IL17D: variants seen among roughly 807,000 people sequenced by gnomAD.
The protein encoded by IL17D is interleukin-17D.
A neutral mutation model predicts 5.7 loss-of-function variants in IL17D; 10 were observed. The ratio of observed to expected loss-of-function variants is 1.75; its 90% CI spans 1.08 to 2.97. The LOEUF is 2.97. IL17D is among the 30% of genes most tolerant of loss of function. IL17D has a pLI of 0.00. For synonymous variants in IL17D, 172 were observed against 141.7 expected, an observed-to-expected ratio of 1.21 and a Z score of -1.52; for missense variants, 354 against 292.7, an observed-to-expected ratio of 1.21 and a Z score of -1.53.
chr13:20,721,180 CCT>C (rs1213641260), intron 1 of IL17D, among the ~76,000 whole-genome samples: 3 of 152,240 alleles, frequency 2.0e-5, no homozygotes, highest in South Asian at 2.1e-4. Context: ...GCCCCCAGCC[CCT>C]CTTTCTCTAG....
At chr13:20,711,282 A>G (rs2058634925) in intron 1 of IL17D, among the ~76,000 whole-genome samples, 1 of 151,372 alleles carries the variant, frequency 6.6e-6, no homozygotes, top group South Asian at 2.1e-4. Flanking sequence ...GAAAAAAAAA[A>G]GTACAAGTTG....
intron 1 of IL17D, among the ~76,000 whole-genome samples, chr13:20,705,361 G>T (rs1409435089): frequency 7.9e-5 from 12 of 152,246 alleles, no homozygotes; most frequent in Admixed American, 6.5e-4. Context: ...TGTGGGGTGG[G>T]CATCGATGTA....
At chr13:20,721,129 G>T (rs186203803) in intron 1 of IL17D, among the ~76,000 whole-genome samples, 2 of 152,210 alleles carry the variant, frequency 1.3e-5, no homozygotes, top group East Asian at 3.9e-4. Flanking sequence ...TCCCGTGGGA[G>T]CCCTGCAGGC....
intron 1 of IL17D, among the ~76,000 whole-genome samples, chr13:20,710,451 TAAAAAA>T (rs60458842): frequency 2.4e-5 from 2 of 83,444 alleles, no homozygotes; most frequent in Admixed American, 1.4e-4. Context: ...CCATCTCTAC[TAAAAAA>T]AAAAAAAAAA....
chr13:20,721,553 C>A lies in IL17D; in HGVS notation c.291-83C>A, dbSNP rs571135756. 15 of 1,232,688 alleles carry A rather than the reference C, an allele frequency of 1.2e-5. No individual in the cohort carries two copies. The East Asian group carries it at 3.8e-4, about 31-fold the overall frequency. The allele number at this position is 1,232,688 out of a possible 1,614,324, so 76.4% of individuals were successfully genotyped here. ...AGGACAGGACAGTCCCCGAGGCCCT[C>A]CCCGGTGACTCTAACCAGGGATTTC... On this transcript the variant is annotated intron_variant, in intron 1 of 1. Transcript: ENST00000682841.
At chr13:20,717,905 C>T (rs573640555) in intron 1 of IL17D, among the ~76,000 whole-genome samples, 8 of 152,260 alleles carry the variant, frequency 5.3e-5, no homozygotes, top group African/African-American at 1.9e-4. Flanking sequence ...TGTCAGTTAT[C>T]ACCTACAAAA....
intron 1 of IL17D, among the ~76,000 whole-genome samples, chr13:20,710,330 C>T (rs1336717853): frequency 3.3e-5 from 5 of 151,296 alleles, no homozygotes; most frequent in African/African-American, 1.2e-4. Flanking sequence ...ACCCCAAAGA[C>T]AGGCTGGGCG....
At position 20,721,905 on chromosome 13, in the gene IL17D, A is replaced by AGGGCGCCAAGCTCCTGCT. The variant is rs775008404; in HGVS notation, c.565_582dup (p.Ala189_Gly194dup). The AGGGCGCCAAGCTCCTGCT allele has an allele frequency of 1.6e-5, 26 of 1,606,660 alleles. No individual in the cohort carries two copies. The South Asian group carries it at 2.6e-4, about 16-fold the overall frequency. ...AGCATCAACTCCAGCATCGACAAAC[A>AGGGCGCCAAGCTCCTGCT]GGGCGCCAAGCTCCTGCTGGGCCCC... On this transcript the variant is annotated inframe_insertion, in exon 2 of 2. Coordinates refer to ENST00000682841, the MANE Select transcript of IL17D (RefSeq NM_001385224.1).
At chr13:20,710,881 T>C (rs1296145674) in intron 1 of IL17D, among the ~76,000 whole-genome samples, 1 of 152,140 alleles carries the variant, frequency 6.6e-6, no homozygotes, top group African/African-American at 2.4e-5. Context: ...TGGATAGCTG[T>C]AGTCGGGAGG....
chr13:20,702,406 G>C, upstream of IL17D: 1 of 152,194 alleles, frequency 6.6e-6, no homozygotes, highest in East Asian at 1.9e-4. Context: ...TACCAAAGCT[G>C]CAAACCATTT....
At chr13:20,709,160 T>G (rs1334963657) in intron 1 of IL17D, among the ~76,000 whole-genome samples, 2 of 137,748 alleles carry the variant, frequency 1.5e-5, no homozygotes, top group African/African-American at 5.3e-5. Flanking sequence ...TTTTTTTTCC[T>G]GGCACCCAGC....
chr13:20,719,616 G>A (rs574712130), intron 1 of IL17D, among the ~76,000 whole-genome samples: 2 of 152,340 alleles, frequency 1.3e-5, no homozygotes, highest in South Asian at 2.1e-4. Context: ...AAATTAGGAC[G>A]AGTTCCCATA....
Position 20,722,193 on chromosome 13 carries a change from C to T in IL17D, c.*239C>T. 1 of 514,150 alleles carries T rather than the reference C, an allele frequency of 1.9e-6. No individual in the cohort carries two copies. Among genetic ancestry groups the T allele is most frequent in the Non-Finnish European group, 3.4e-6 (1 of 293,424 alleles). The allele number at this position is 514,150 out of a possible 1,614,324, so 31.8% of individuals were successfully genotyped here. Reference sequence around the variant, plus strand: ...TGGAAGCTGATGGGAAACGACCCGGCACGGGCATCCTGTGTGCGGCCCGCA... The same window carrying T: ...TGGAAGCTGATGGGAAACGACCCGGTACGGGCATCCTGTGTGCGGCCCGCA... On this transcript the variant is annotated 3_prime_UTR_variant, in exon 2 of 2. Transcript: ENST00000682841.
intron 1 of IL17D, among the ~76,000 whole-genome samples, chr13:20,719,549 TTC>T (rs1464906291): frequency 1.6e-4 from 25 of 152,350 alleles, no homozygotes; most frequent in African/African-American, 5.8e-4. Flanking sequence ...ATAAATGATT[TTC>T]TCTATTTTCT....
chr13:20,717,913 A>G (rs1802201377), intron 1 of IL17D, among the ~76,000 whole-genome samples: 3 of 152,118 alleles, frequency 2.0e-5, no homozygotes, highest in Non-Finnish European at 2.9e-5. Flanking sequence ...ATCACCTACA[A>G]AACTACCGGG....
chr13:20,709,487 A>G (rs187717724), intron 1 of IL17D, among the ~76,000 whole-genome samples: 3 of 152,292 alleles, frequency 2.0e-5, no homozygotes, highest in African/African-American at 7.2e-5. Flanking sequence ...TCAATCACTC[A>G]CCAATACAAA....
chr13:20,710,366 C>T (rs1683843103), intron 1 of IL17D, among the ~76,000 whole-genome samples: 1 of 145,860 alleles, frequency 6.9e-6, no homozygotes, highest in Non-Finnish European at 1.5e-5. Context: ...GTAATCCCAG[C>T]GCTTTGGGAG....
chr13:20,718,912 TCA>T lies in IL17D; in HGVS notation c.291-2718_291-2717del, dbSNP rs530284311. Among the ~76,000 whole-genome samples the T allele has an allele frequency of 2.3e-3, 234 of 102,538 alleles. 1 individual carries two copies. Among genetic ancestry groups the T allele is most frequent in the South Asian group, 5.8e-3 (17 of 2,952 alleles). 67.3% of individuals were successfully genotyped at this position (102,538 alleles called of 152,430 possible). A position where few individuals can be genotyped will look rare whatever the true frequency, so the allele number is the denominator to read the frequency against. On this transcript the variant is annotated intron_variant, in intron 1 of 1. Coordinates refer to ENST00000682841, the MANE Select transcript of IL17D (RefSeq NM_001385224.1). ...CCCGTGCTCACACACCCGCCCATGCTCACACACCAACACACACCTGCCCACGC... is the reference window on the plus strand; with the variant it reads ...CCCGTGCTCACACACCCGCCCATGCTCACACCAACACACACCTGCCCACGC...
chr13:20,703,473 C>G, upstream of IL17D: 1 of 966,894 alleles, frequency 1.0e-6, no homozygotes, highest in Non-Finnish European at 1.2e-6. Context: ...GGGGGCTTCT[C>G]GCGGAAAAGC....
Sources: gnomAD v4.1 joint callset for allele counts (sites outside exome capture counted in the v4.1 genomes callset) on GRCh38, gnomAD v4.1.1 for gene constraint, MANE v1.5 for transcripts, NCBI Gene and HGNC (gene_info 2026-07-23, HGNC 2026-07-21) for gene names.